Variants in PPP2R1B observed in about 807,000 individuals in gnomAD.
The protein encoded by PPP2R1B is serine/threonine-protein phosphatase 2A 65 kDa regulatory subunit A beta isoform.
Under a neutral mutation model 72.7 loss-of-function variants are expected in PPP2R1B, and 58 were observed. The observed-to-expected ratio is 0.80, with a 90% confidence interval of 0.65 to 0.99. The LOEUF is 0.99. PPP2R1B is among the 50% of genes least tolerant of loss of function. The pLI is 0.00. For missense variants in PPP2R1B, 695 were observed against 733.6 expected (o/e 0.95, Z 0.61); for synonymous variants, 256 against 264.6 (o/e 0.97, Z 0.32).
At chr11:111,718,814 T>C in the PPP2R1B span, 7 of 152,246 alleles carry the variant, frequency 4.6e-5, no homozygotes, top group African/African-American at 1.7e-4. Flanking sequence ...CCTGAGCAGC[T>C]ATTCATAGGA....
At chr11:111,702,832 A>G in the PPP2R1B span, among the ~76,000 whole-genome samples, 3 of 152,222 alleles carry the variant, frequency 2.0e-5, no homozygotes, top group Admixed American at 2.0e-4. Flanking sequence ...ACGTAGCCTT[A>G]GTATATCAGC....
the PPP2R1B span, among the ~76,000 whole-genome samples, chr11:111,691,720 C>T: frequency 6.6e-6 from 1 of 152,148 alleles, no homozygotes; most frequent in Non-Finnish European, 1.5e-5. Context: ...TTTTCTTGCC[C>T]ACACTTAATT....
At chr11:111,712,431 G>A in the PPP2R1B span, 3 of 1,554,758 alleles carry the variant, frequency 1.9e-6, no homozygotes, top group East Asian at 7.0e-5. Context: ...ATTTCAGTTT[G>A]GTCCACAAGT....
the PPP2R1B span, among the ~76,000 whole-genome samples, chr11:111,716,317 T>A: frequency 6.6e-6 from 1 of 152,136 alleles, no homozygotes; most frequent in Non-Finnish European, 1.5e-5. Flanking sequence ...GTGCGGTGGC[T>A]TACACCTGTA....
Position 111,760,923 on chromosome 11 carries a change from T to C in PPP2R1B, c.435A>G (p.Lys145=). The change falls in exon 4 of 15, where the codon AAA becomes AAG. Residue 145 remains lysine, a synonymous_variant. Transcript: ENST00000527614. ...ALEAYFVPLV[K]RLASGDWFTS... ...TGAACCAATCCCCACTTGCTAAGCG[T>C]TTCACCAGAGGTACAAAATAAGCTT... 6.2e-7 allele frequency: 1 copy of C among 1,614,122 alleles called. No individual in the cohort carries two copies. Among genetic ancestry groups the C allele is most frequent in the Non-Finnish European group, 8.5e-7 (1 of 1,180,008 alleles).
the PPP2R1B span, chr11:111,720,982 G>C: frequency 1.9e-6 from 3 of 1,614,010 alleles, no homozygotes; most frequent in African/African-American, 4.0e-5. Flanking sequence ...GTTGTTGTAT[G>C]AACAAATAGG....
chr11:111,739,871 A>G lies in PPP2R1B; in HGVS notation c.*1725T>C, dbSNP rs72981301. 1.4e-3 allele frequency: 1,345 copies of G among 980,304 alleles called. 1 individual carries two copies. Among genetic ancestry groups the G allele is most frequent in the South Asian group, 2.5e-3 (53 of 21,152 alleles). 60.7% of individuals were successfully genotyped at this position (980,304 alleles called of 1,614,324 possible). On this transcript the variant is annotated 3_prime_UTR_variant, in exon 15 of 15. Transcript: ENST00000527614. ...TAGGAAAATACTTAATTCTTGGCCCAAAGTCATAAAATAGAAACTTACTAT... is the reference window on the plus strand; with the variant it reads ...TAGGAAAATACTTAATTCTTGGCCCGAAGTCATAAAATAGAAACTTACTAT...
intron 5 of PPP2R1B, 97 bp downstream of exon 5, chr11:111,759,707 G>C (rs1209365142): frequency 5.7e-5 from 76 of 1,343,128 alleles, no homozygotes; most frequent in Middle Eastern, 5.1e-4. Context: ...TCTGTAAAAA[G>C]AATCCTAACA....
At chr11:111,755,122 T>C in intron 6 of PPP2R1B, 28 bp from the exon 7 acceptor site, 2 of 1,576,418 alleles carry the variant, frequency 1.3e-6, no homozygotes, top group Non-Finnish European at 8.7e-7. Flanking sequence ...CGGGTTTTAA[T>C]GTATACTAAC....
chr11:111,690,576 G>C, the PPP2R1B span, among the ~76,000 whole-genome samples: 1 of 151,866 alleles, frequency 6.6e-6, no homozygotes, highest in Non-Finnish European at 1.5e-5. Context: ...GCCCTGCATG[G>C]ATTAGGTATT....
chr11:111,731,705 A>G (rs1944200324), intron 15 of PPP2R1B, among the ~76,000 whole-genome samples: 1 of 152,224 alleles, frequency 6.6e-6, no homozygotes, highest in Non-Finnish European at 1.5e-5. Context: ...CAGAGGCTGG[A>G]AGGAGCGGAG....
At chr11:111,766,061 G>A (rs538768033) in intron 1 of PPP2R1B, 187 bp downstream of exon 1, 4 of 626,894 alleles carry the variant, frequency 6.4e-6, no homozygotes, top group Non-Finnish European at 1.1e-5. Flanking sequence ...TACTAGAGAG[G>A]TACCCGGGAG....
chr11:111,722,503 C>G (rs1327546049), downstream of PPP2R1B, among the ~76,000 whole-genome samples: 5 of 152,214 alleles, frequency 3.3e-5, no homozygotes, highest in South Asian at 1.0e-3. The surrounding 1 kb of genome is among the most constrained non-coding windows in gnomAD (Gnocchi z 4.4). Context: ...CCTGCGGGCC[C>G]GATGCTCTTT....
At chr11:111,726,073 T>G (rs1943956437), downstream of PPP2R1B, 1 of 152,252 alleles carries the variant, frequency 6.6e-6, no homozygotes, top group South Asian at 2.1e-4. Context: ...CATTAAGATC[T>G]CTAATCTGTT....
chr11:111,754,768 A>ATT (rs373768213), intron 7 of PPP2R1B, among the ~76,000 whole-genome samples, 199 bp from the exon 8 acceptor site: 1 of 148,142 alleles, frequency 6.8e-6, no homozygotes, highest in Non-Finnish European at 1.5e-5. Context: ...CCTGAAAGGC[A>ATT]TTTTTTTTTT....
chr11:111,697,887 A>G, the PPP2R1B span, among the ~76,000 whole-genome samples: 3 of 152,080 alleles, frequency 2.0e-5, no homozygotes, highest in South Asian at 2.1e-4. Flanking sequence ...GCGTGAGTCT[A>G]TGGTCCCAGC....
At chr11:111,731,146 CCTT>C (rs1944177734) in intron 15 of PPP2R1B, among the ~76,000 whole-genome samples, 1 of 152,244 alleles carries the variant, frequency 6.6e-6, no homozygotes, top group South Asian at 2.1e-4. Flanking sequence ...AATTACTGCT[CCTT>C]GATTCTCAGA....
chr11:111,701,029 G>A, the PPP2R1B span: 1 of 1,611,938 alleles, frequency 6.2e-7, no homozygotes, highest in South Asian at 1.1e-5. This position sits in a 1 kb window ranked among gnomAD's most constrained non-coding sequence, Gnocchi z 4.2. Flanking sequence ...TTGCTTTGCT[G>A]TGTTGTTAAA....
chr11:111,739,513 AC>A lies in PPP2R1B; in HGVS notation c.*2082del. On this transcript the variant is annotated 3_prime_UTR_variant, in exon 15 of 15. Coordinates refer to ENST00000527614, the MANE Select transcript of PPP2R1B (RefSeq NM_002716.5). Reference sequence around the variant, plus strand: ...CCACAAAAGACAGAGGCCCCGCTGAACCCCCGACCCATGCTTGAGAAAGCCA... The same window carrying A: ...CCACAAAAGACAGAGGCCCCGCTGAACCCCGACCCATGCTTGAGAAAGCCA... The A allele has an allele frequency of 2.0e-6, 2 of 985,354 alleles. No individual in the cohort carries two copies. Among genetic ancestry groups the A allele is most frequent in the Non-Finnish European group, 2.4e-6 (2 of 829,932 alleles). The allele number at this position is 985,354 out of a possible 1,614,324, so 61.0% of individuals were successfully genotyped here.
Sources: allele counts gnomAD v4.1 joint callset (sites outside exome capture counted in the v4.1 genomes callset), GRCh38; gene constraint gnomAD v4.1.1; non-coding constraint Gnocchi (gnomAD v3.1); transcripts MANE v1.5; gene names NCBI Gene and HGNC (gene_info 2026-07-23, HGNC 2026-07-21).